The following EPHA7 variants were observed in gnomAD, a reference collection of about 807,000 sequenced individuals.
The protein encoded by EPHA7 is EPH receptor A7.
In EPHA7, 25 loss-of-function variants were observed where a neutral mutation model predicts 112.6. The ratio of observed to expected loss-of-function variants is 0.22; its 90% CI spans 0.16 to 0.31. The LOEUF (loss-of-function observed/expected upper bound fraction) is 0.31. EPHA7 is among the 10% of genes least tolerant of loss of function. The pLI is 1.00. For missense variants in EPHA7, 962 were observed against 1,212.6 expected (o/e 0.79, Z 3.07); for synonymous variants, 437 against 406.5 (o/e 1.07, Z -0.90).
chr6:93,359,405 T>C (rs1776127995), intron 3 of EPHA7, among the ~76,000 whole-genome samples: 1 of 151,086 alleles, frequency 6.6e-6, no homozygotes, highest in African/African-American at 2.4e-5. Flanking sequence ...AATCTATTCT[T>C]CATATTTATT....
intron 3 of EPHA7, among the ~76,000 whole-genome samples, chr6:93,395,812 ATG>A (rs1264766020): frequency 6.6e-6 from 1 of 151,886 alleles, no homozygotes; most frequent in Non-Finnish European, 1.5e-5. Flanking sequence ...ACTGAAGAAG[ATG>A]GATGATCCTC....
intron 3 of EPHA7, among the ~76,000 whole-genome samples, chr6:93,364,798 T>C (rs1349254483): frequency 1.3e-5 from 2 of 152,130 alleles, no homozygotes; most frequent in Non-Finnish European, 2.9e-5. Context: ...TAGAAATCTA[T>C]TATCAAGGTA....
intron 14 of EPHA7, among the ~76,000 whole-genome samples, chr6:93,250,170 G>GGT (rs1770141049): frequency 6.6e-6 from 1 of 152,038 alleles, no homozygotes; most frequent in South Asian, 2.1e-4. Context: ...GAACACTTAA[G>GGT]GTACTTGCTG....
chr6:93,408,157 T>TCG (rs1778806786), intron 3 of EPHA7, among the ~76,000 whole-genome samples: 1 of 152,012 alleles, frequency 6.6e-6, no homozygotes. Context: ...ATTGTGTACT[T>TCG]TTATATGTAT....
At chr6:93,337,677 C>T (rs537493021) in intron 5 of EPHA7, among the ~76,000 whole-genome samples, 98 of 152,186 alleles carry the variant, frequency 6.4e-4, no homozygotes, top group African/African-American at 2.3e-3. Context: ...AGTAGAGTAT[C>T]ACAGACAAGC....
intron 2 of EPHA7, among the ~76,000 whole-genome samples, chr6:93,414,354 T>C (rs1779120521): frequency 6.6e-6 from 1 of 151,908 alleles, no homozygotes; most frequent in Non-Finnish European, 1.5e-5. Flanking sequence ...ACTGACATGG[T>C]GATTATACTA....
At position 93,414,635 on chromosome 6, in the gene EPHA7, C is replaced by T. The variant is rs351330; in HGVS notation, c.162+68G>A. On this transcript the variant is annotated intron_variant, in intron 2 of 16. Transcript: ENST00000369303. ...TACATGAAGAGTGTGAATAATTACC[C>T]TGGAGGGAAGGGAAACGTTTTGTTT... The T allele has an allele frequency of 2.9e-5, 35 of 1,206,530 alleles. 1 individual carries two copies. In the South Asian group the frequency reaches 4.2e-4, roughly 14 times the overall value. 74.7% of individuals were successfully genotyped at this position (1,206,530 alleles called of 1,614,324 possible). A position where few individuals can be genotyped will look rare whatever the true frequency, so the allele number is the denominator to read the frequency against.
chr6:93,284,847 G>T (rs999614578), intron 5 of EPHA7, among the ~76,000 whole-genome samples: 1 of 151,894 alleles, frequency 6.6e-6, no homozygotes, highest in Non-Finnish European at 1.5e-5. Context: ...GGCCTGTTGG[G>T]GGGTGGGGGG....
intron 5 of EPHA7, among the ~76,000 whole-genome samples, chr6:93,273,440 A>G (rs1771325280): frequency 6.6e-6 from 1 of 151,954 alleles, no homozygotes; most frequent in African/African-American, 2.4e-5. Flanking sequence ...TATGGGACCA[A>G]GCCGTTTAAG....
intron 5 of EPHA7, among the ~76,000 whole-genome samples, chr6:93,285,844 C>CT (rs567952185): frequency 9.7e-4 from 148 of 152,228 alleles, no homozygotes; most frequent in African/African-American, 3.4e-3. Context: ...TGACTTTCAT[C>CT]TTTTTTCAGT....
At chr6:93,279,782 T>G (rs1414474669) in intron 5 of EPHA7, among the ~76,000 whole-genome samples, 1 of 152,142 alleles carries the variant, frequency 6.6e-6, no homozygotes, top group African/African-American at 2.4e-5. Context: ...TTTTTCTTAG[T>G]AAGATTTCTT....
chr6:93,296,798 C>T (rs141688256), intron 5 of EPHA7, among the ~76,000 whole-genome samples: 1 of 151,954 alleles, frequency 6.6e-6, no homozygotes, highest in African/African-American at 2.4e-5. Flanking sequence ...AACACTAAAC[C>T]TTAAACCAAG....
At chr6:93,312,093 T>A (rs1368896506) in intron 5 of EPHA7, among the ~76,000 whole-genome samples, 1 of 152,172 alleles carries the variant, frequency 6.6e-6, no homozygotes, top group Non-Finnish European at 1.5e-5. Flanking sequence ...TAACATAATT[T>A]AAGGGCCCTA....
intron 3 of EPHA7, 64 bp from the exon 4 acceptor site, chr6:93,358,475 G>A: frequency 7.3e-7 from 1 of 1,367,812 alleles, no homozygotes; most frequent in Non-Finnish European, 9.9e-7. Flanking sequence ...AAAAAAAATT[G>A]TATTATTTAG....
intron 3 of EPHA7, among the ~76,000 whole-genome samples, chr6:93,390,998 T>A (rs184972763): frequency 3.3e-5 from 5 of 152,110 alleles, no homozygotes; most frequent in Admixed American, 3.3e-4. Context: ...CTACTCTCCA[T>A]GAAGCACTGC....
intron 15 of EPHA7, 133 bp from the exon 16 acceptor site, chr6:93,245,586 C>G (rs565168538): frequency 3.7e-6 from 3 of 812,330 alleles, no homozygotes; most frequent in African/African-American, 3.6e-5. Flanking sequence ...AAAAATACAT[C>G]GATATGCTAA....
At chr6:93,385,008 C>T (rs1430764235) in intron 3 of EPHA7, among the ~76,000 whole-genome samples, 2 of 152,014 alleles carry the variant, frequency 1.3e-5, no homozygotes, top group East Asian at 1.9e-4. Flanking sequence ...ATTTAATATG[C>T]CATTGAAGAA....
At chr6:93,252,897 C>T (rs1282744002) in intron 14 of EPHA7, among the ~76,000 whole-genome samples, 1 of 151,664 alleles carries the variant, frequency 6.6e-6, no homozygotes, top group East Asian at 1.9e-4. Context: ...AATATTAATC[C>T]TTGGTATAGT....
At chr6:93,247,222 C>G (rs1769994295) in intron 14 of EPHA7, among the ~76,000 whole-genome samples, 1 of 152,096 alleles carries the variant, frequency 6.6e-6, no homozygotes, top group Non-Finnish European at 1.5e-5. Flanking sequence ...CAATTAAGTT[C>G]ATCCAGGGTA....
Sources: allele counts gnomAD v4.1 joint callset (sites outside exome capture counted in the v4.1 genomes callset), GRCh38; gene constraint gnomAD v4.1.1; transcripts MANE v1.5; gene names NCBI Gene and HGNC (gene_info 2026-07-23, HGNC 2026-07-21).